Variants in CEP97 observed in about 807,000 individuals in gnomAD.
The protein encoded by CEP97 is centrosomal protein 97.
Under a neutral mutation model 73.1 loss-of-function variants are expected in CEP97, and 43 were observed. The observed-to-expected ratio is 0.59, with a 90% CI of 0.46 to 0.76. The LOEUF is 0.76. CEP97 is among the 30% of genes least tolerant of loss of function. CEP97 has a pLI of 0.00. For missense variants in CEP97, 939 were observed against 1,014.0 expected (o/e 0.93, Z 1.00); for synonymous variants, 337 against 370.0 (o/e 0.91, Z 1.02).
chr3:101,747,526 TG>T (rs962014581), intron 6 of CEP97, among the ~76,000 whole-genome samples: 1 of 151,416 alleles, frequency 6.6e-6, no homozygotes, highest in African/African-American at 2.4e-5. Flanking sequence ...CCCAAAGTTT[TG>T]GGATTACAGG....
chr3:101,758,459 G>A (rs779468729), intron 9 of CEP97, 36 bp downstream of exon 9: 1 of 1,607,584 alleles, frequency 6.2e-7, no homozygotes, highest in East Asian at 2.2e-5. Flanking sequence ...CTGTTTTGTT[G>A]GTTTGAGGGT....
Position 101,757,099 on chromosome 3 carries a change from T to G in CEP97, c.930T>G (p.Asn310Lys). Residue 310 changes from asparagine to lysine, a missense_variant, in exon 8 of 11, where the codon AAT (asparagine) becomes AAG (lysine). Asn to Lys is a moderately conservative substitution (Grantham distance 94). Transcript: ENST00000341893. The stretch of plus-strand genomic sequence containing the variant: ...GGCAGTTGATGAACCAAAGCCAAAA[T>G]GAAGAGTTGTCTCCTCTTGTTCCTG... ...HQRQLMNQSQ[N>K]EELSPLVPVE... 2 of 1,612,542 alleles carry G rather than the reference T, an allele frequency of 1.2e-6. No individual in the cohort carries two copies. The highest frequency in any genetic ancestry group is 8.5e-7 in the Non-Finnish European group (1 of 1,179,454).
chr3:101,741,912 C>T lies in CEP97; in HGVS notation c.728+9258C>T, dbSNP rs145064992. ...AAAAAATTAGCCAGGTGTGGTGGCG[C>T]GCACCTGTAATCCCAGCTACTCAGG... On this transcript the variant is annotated intron_variant, in intron 6 of 10. Coordinates refer to ENST00000341893, the MANE Select transcript of CEP97 (RefSeq NM_024548.4). 5.1e-3 allele frequency among the ~76,000 whole-genome samples: 776 copies of T among 151,884 alleles called. 6 individuals are homozygous for T. Among genetic ancestry groups the T allele is most frequent in the African/African-American group, 0.018 (735 of 41,422 alleles).
Position 101,724,725 on chromosome 3 carries a change from G to A in CEP97, c.43+6G>A, listed in dbSNP as rs1937820048. 1 of 1,614,190 alleles carries A rather than the reference G, an allele frequency of 6.2e-7. No individual in the cohort carries two copies. The highest frequency in any genetic ancestry group is 1.3e-5 in the African/African-American group (1 of 75,074). The stretch of plus-strand genomic sequence containing the variant: ...GGCTTTGCCTCCCGGAGAAGGTAAG[G>A]CGATCCCTACCCCGAGTCCTAAGGT... On this transcript the variant is annotated splice_donor_region_variant and intron_variant, in intron 1 of 10. Coordinates refer to ENST00000341893, the MANE Select transcript of CEP97 (RefSeq NM_024548.4).
At chr3:101,762,934 T>C (rs375227756) in intron 10 of CEP97, among the ~76,000 whole-genome samples, 3 of 152,174 alleles carry the variant, frequency 2.0e-5, no homozygotes, top group East Asian at 3.8e-4. Flanking sequence ...GACTACAATA[T>C]GCATGTCCTA....
intron 10 of CEP97, 127 bp from the exon 11 acceptor site, chr3:101,764,720 C>A: frequency 1.4e-6 from 1 of 729,998 alleles, no homozygotes; most frequent in Non-Finnish European, 2.2e-6. Context: ...GAGGTTGATG[C>A]TGCAGTGAGC....
At chr3:101,748,927 A>C (rs1938710506) in intron 6 of CEP97, among the ~76,000 whole-genome samples, 1 of 152,192 alleles carries the variant, frequency 6.6e-6, no homozygotes, top group African/African-American at 2.4e-5. Flanking sequence ...GGTGTGAGCC[A>C]CTGCGCCCGG....
chr3:101,749,339 G>A (rs1490178664), intron 6 of CEP97, among the ~76,000 whole-genome samples: 2 of 148,044 alleles, frequency 1.4e-5, no homozygotes, highest in African/African-American at 5.0e-5. Context: ...ATTTTTTATG[G>A]CTGCATAGTA....
At chr3:101,726,758 A>G (rs1289390368) in intron 2 of CEP97, 22 bp downstream of exon 2, 3 of 1,534,912 alleles carry the variant, frequency 2.0e-6, no homozygotes, top group Non-Finnish European at 2.7e-6. Context: ...AATCTGGGAA[A>G]TGGTTACATA....
chr3:101,748,830 C>T (rs898261349), intron 6 of CEP97, among the ~76,000 whole-genome samples: 1 of 151,976 alleles, frequency 6.6e-6, no homozygotes. Flanking sequence ...TTAGTAGAGA[C>T]GGGGTTTCAC....
At chr3:101,738,221 G>A (rs539841912) in intron 6 of CEP97, among the ~76,000 whole-genome samples, 1 of 152,224 alleles carries the variant, frequency 6.6e-6, no homozygotes, top group South Asian at 2.1e-4. Flanking sequence ...GACTTACAAA[G>A]AGACTTAGAC....
At chr3:101,734,507 A>T (rs948452374) in intron 6 of CEP97, among the ~76,000 whole-genome samples, 1 of 152,148 alleles carries the variant, frequency 6.6e-6, no homozygotes, top group African/African-American at 2.4e-5. Flanking sequence ...TAGATTACAG[A>T]CAGCGTCTCC....
At chr3:101,759,658 A>C (rs923320565) in intron 9 of CEP97, 1 of 152,242 alleles carries the variant, frequency 6.6e-6, no homozygotes, top group African/African-American at 2.4e-5. Context: ...CTTGGAGATT[A>C]TCTCCCAGGA....
At chr3:101,754,020 G>A (rs1168140358) in intron 6 of CEP97, among the ~76,000 whole-genome samples, 2 of 148,526 alleles carry the variant, frequency 1.3e-5, no homozygotes, top group African/African-American at 2.5e-5. Context: ...GCTGTAGACC[G>A]GAGCTGTTCC....
Position 101,765,346 on chromosome 3 carries a change from G to A in CEP97, c.2393G>A (p.Ser798Asn). ...RTNFDTETRD[S>N]KLHIACFPVQ... ...AATTTTGATACAGAGACAAGAGATA[G>A]CAAACTTCACATTGCTTGTTTCCCA... The change falls in exon 11 of 11, where the codon AGC becomes AAC. Residue 798 changes from serine to asparagine, a missense_variant. Physicochemically the swap from Ser to Asn is conservative, Grantham distance 46 (BLOSUM62 1). Transcript: ENST00000341893. 1 of 1,614,116 alleles carries A rather than the reference G, an allele frequency of 6.2e-7. No homozygotes were observed. The highest frequency in any genetic ancestry group is 1.6e-4 in the Middle Eastern group (1 of 6,062).
At chr3:101,732,465 A>T in intron 5 of CEP97, 23 bp from the exon 6 acceptor site, 1 of 1,576,364 alleles carries the variant, frequency 6.3e-7, no homozygotes, top group Non-Finnish European at 8.7e-7. Flanking sequence ...CCTTTTGTTC[A>T]ACAAAGATAT....
intron 6 of CEP97, among the ~76,000 whole-genome samples, chr3:101,738,011 CA>C (rs770745532): frequency 0.24 from 10,460 of 44,240 alleles, 317 homozygotes; most frequent in Middle Eastern, 0.35. Flanking sequence ...AAATGGAAAG[CA>C]AAAAAAAAAA....
At chr3:101,749,701 G>A (rs1417338435) in intron 6 of CEP97, among the ~76,000 whole-genome samples, 74 of 146,704 alleles carry the variant, frequency 5.0e-4, no homozygotes, top group African/African-American at 1.5e-3. Context: ...CTGGTGTGAG[G>A]TGGTATCTCA....
intron 8 of CEP97, 33 bp from the exon 9 acceptor site, chr3:101,757,601 G>C: frequency 6.4e-7 from 1 of 1,559,006 alleles, no homozygotes; most frequent in Admixed American, 1.8e-5. Context: ...TAAACATTTA[G>C]TGGTTTAAAT....
Sources: gnomAD v4.1 joint callset for allele counts (sites outside exome capture counted in the v4.1 genomes callset) on GRCh38, gnomAD v4.1.1 for gene constraint, MANE v1.5 for transcripts, NCBI Gene and HGNC (gene_info 2026-07-23, HGNC 2026-07-21) for gene names.